NTF3: variants seen among roughly 807,000 people sequenced by gnomAD.
NTF3 encodes the protein neurotrophin-3.
NTF3 carries 8 observed loss-of-function variants against 26.3 expected under a neutral mutation model. The ratio of observed to expected loss-of-function variants is 0.30; its 90% CI spans 0.18 to 0.55. NTF3 has a LOEUF of 0.55. Ranked by LOEUF, NTF3 falls within the 20% of genes least tolerant of loss-of-function variation. The pLI, the probability that NTF3 is intolerant of heterozygous loss-of-function variation, is 0.93. For missense variants in NTF3, 276 were observed against 352.9 expected, an observed-to-expected ratio of 0.78 and a Z score of 1.75; for synonymous variants, 154 against 145.5, an observed-to-expected ratio of 1.06 and a Z score of -0.42.
At chr12:5,442,867 T>A (rs1353978218) in intron 1 of NTF3, among the ~76,000 whole-genome samples, 2 of 152,194 alleles carry the variant, frequency 1.3e-5, no homozygotes, top group East Asian at 3.9e-4. Context: ...TACCAAGAGA[T>A]ACAAAGCAAG....
intron 1 of NTF3, among the ~76,000 whole-genome samples, chr12:5,468,845 G>A (rs1414332106): frequency 6.6e-6 from 1 of 152,190 alleles, no homozygotes. Context: ...AAGCGGCTGG[G>A]CATGGTGGCT....
intron 1 of NTF3, among the ~76,000 whole-genome samples, chr12:5,460,575 G>A (rs967687657): frequency 6.6e-6 from 1 of 152,164 alleles, no homozygotes; most frequent in Admixed American, 6.5e-5. Flanking sequence ...ATCTCTGTCT[G>A]TTCCTTTCTA....
At chr12:5,434,131 C>T (rs1030217018) in intron 1 of NTF3, among the ~76,000 whole-genome samples, 1 of 152,168 alleles carries the variant, frequency 6.6e-6, no homozygotes, top group Non-Finnish European at 1.5e-5. Context: ...CGCCTGCCCT[C>T]AATTCCTTTT....
intron 1 of NTF3, among the ~76,000 whole-genome samples, chr12:5,483,231 C>G (rs1940829216): frequency 6.6e-6 from 1 of 152,094 alleles, no homozygotes; most frequent in African/African-American, 2.4e-5. Context: ...CTGGCACTCA[C>G]TCACCCACTT....
At chr12:5,458,177 C>T (rs1940476954) in intron 1 of NTF3, among the ~76,000 whole-genome samples, 2 of 152,310 alleles carry the variant, frequency 1.3e-5, no homozygotes, top group Admixed American at 1.3e-4. Flanking sequence ...CACAATGCAC[C>T]TTCTGGCCTC....
At chr12:5,431,397 A>G (rs1591586716), upstream of NTF3, among the ~76,000 whole-genome samples, 1 of 152,054 alleles carries the variant, frequency 6.6e-6, no homozygotes, top group Non-Finnish European at 1.5e-5. Flanking sequence ...GCGCGCACAC[A>G]CAGCCCCTCC....
At chr12:5,437,609 G>C (rs1038391199) in intron 1 of NTF3, among the ~76,000 whole-genome samples, 1 of 152,218 alleles carries the variant, frequency 6.6e-6, no homozygotes, top group Non-Finnish European at 1.5e-5. Flanking sequence ...TGACACAGAA[G>C]ATCTTTAGAG....
chr12:5,469,201 T>G (rs1940633538), intron 1 of NTF3, among the ~76,000 whole-genome samples: 1 of 152,176 alleles, frequency 6.6e-6, no homozygotes, highest in Non-Finnish European at 1.5e-5. Flanking sequence ...GGCTTTTAAT[T>G]GCCAGAGCTG....
At chr12:5,484,361 T>A (rs545044918) in intron 1 of NTF3, among the ~76,000 whole-genome samples, 2 of 152,216 alleles carry the variant, frequency 1.3e-5, no homozygotes, top group Admixed American at 6.5e-5. Flanking sequence ...TCTTCTCTAT[T>A]TGGTCTGGAG....
At chr12:5,489,769 G>A (rs897504527) in intron 1 of NTF3, among the ~76,000 whole-genome samples, 15 of 152,188 alleles carry the variant, frequency 9.9e-5, no homozygotes, top group East Asian at 5.8e-4. Flanking sequence ...CAGGGCAGAC[G>A]CAGGTTGCTG....
intron 1 of NTF3, among the ~76,000 whole-genome samples, chr12:5,462,477 T>A (rs1271782407): frequency 1.3e-5 from 2 of 152,234 alleles, no homozygotes; most frequent in Non-Finnish European, 2.9e-5. Context: ...AGATAATATA[T>A]AACATGTAAG....
At chr12:5,445,954 G>A (rs10849271) in intron 1 of NTF3, among the ~76,000 whole-genome samples, 13,034 of 152,262 alleles carry the variant, frequency 0.086, 679 homozygotes, top group African/African-American at 0.14. Context: ...GTTCTTAGCA[G>A]ATTCTGAAGC....
intron 1 of NTF3, among the ~76,000 whole-genome samples, chr12:5,454,071 T>C (rs558170504): frequency 6.6e-6 from 1 of 152,202 alleles, no homozygotes; most frequent in East Asian, 1.9e-4. Flanking sequence ...GCACCACAAA[T>C]TGGGTGGCTT....
upstream of NTF3, chr12:5,431,984 G>GGT (rs1940095759): frequency 6.7e-6 from 1 of 149,790 alleles, no homozygotes; most frequent in African/African-American, 2.5e-5. Context: ...CTGGGGCGCG[G>GGT]GCGCGCGCGG....
At chr12:5,455,312 C>T (rs1369339850) in intron 1 of NTF3, among the ~76,000 whole-genome samples, 1 of 152,160 alleles carries the variant, frequency 6.6e-6, no homozygotes, top group East Asian at 1.9e-4. Context: ...CATCTGTCTT[C>T]GATCGTTGTC....
chr12:5,489,502 C>G (rs1225447248), intron 1 of NTF3, among the ~76,000 whole-genome samples: 2 of 152,180 alleles, frequency 1.3e-5, no homozygotes, highest in Non-Finnish European at 2.9e-5. Flanking sequence ...TTGGTTTCCC[C>G]ATTCAAAATG....
intron 1 of NTF3, among the ~76,000 whole-genome samples, chr12:5,444,124 T>C (rs1023744317): frequency 2.6e-5 from 4 of 152,240 alleles, no homozygotes; most frequent in African/African-American, 9.6e-5. Context: ...AGTTACTGTC[T>C]GTCTACAGCA....
At chr12:5,431,140 A>G (rs1422672599), upstream of NTF3, among the ~76,000 whole-genome samples, 4 of 152,168 alleles carry the variant, frequency 2.6e-5, no homozygotes, top group African/African-American at 9.6e-5. Flanking sequence ...CTCTCCTCGA[A>G]TGTATCCACC....
chr12:5,434,646 G>A (rs1257152417), intron 1 of NTF3, among the ~76,000 whole-genome samples: 1 of 152,130 alleles, frequency 6.6e-6, no homozygotes, highest in African/African-American at 2.4e-5. Context: ...TAGCTAATGC[G>A]AAATCTGTGC....
Sources: gnomAD v4.1 joint callset for allele counts (sites outside exome capture counted in the v4.1 genomes callset) on GRCh38, gnomAD v4.1.1 for gene constraint, MANE v1.5 for transcripts, NCBI Gene and HGNC (gene_info 2026-07-23, HGNC 2026-07-21) for gene names.